The following TRIM16 variants were observed in gnomAD, a reference collection of about 807,000 sequenced individuals.
TRIM16 encodes the protein tripartite motif-containing protein 16.
In TRIM16, 33 loss-of-function variants were observed where a neutral mutation model predicts 50.4. That is an observed-to-expected ratio of 0.65 (90% CI 0.50 to 0.88). The LOEUF (loss-of-function observed/expected upper bound fraction) is 0.88, where lower values mean the gene tolerates loss of function less well. TRIM16 is among the 40% of genes least tolerant of loss of function. The pLI is 0.00. For synonymous variants in TRIM16, 229 were observed against 270.7 expected (o/e 0.85, Z 1.51); for missense variants, 581 against 686.8 (o/e 0.85, Z 1.72).
intron 6 of TRIM16, among the ~76,000 whole-genome samples, chr17:15,656,319 C>T (rs1192244459): frequency 6.6e-6 from 1 of 152,188 alleles, no homozygotes; most frequent in South Asian, 2.1e-4. Context: ...AAAGGCTCTA[C>T]AGTCACCACC....
chr17:15,665,494 G>A (rs1355041200), intron 6 of TRIM16, among the ~76,000 whole-genome samples: 8 of 152,144 alleles, frequency 5.3e-5, no homozygotes, highest in Admixed American at 5.2e-4. Context: ...AGGCGAGAGT[G>A]CAAGACTCTA....
At chr17:15,667,688 G>A (rs533180149) in intron 6 of TRIM16, among the ~76,000 whole-genome samples, 124 of 152,150 alleles carry the variant, frequency 8.1e-4, no homozygotes, top group Non-Finnish European at 1.3e-3. Context: ...TCTCTACCAT[G>A]GTAGATCAAA....
intron 6 of TRIM16, chr17:15,658,998 G>T: frequency 2.3e-6 from 1 of 433,160 alleles, no homozygotes; most frequent in Non-Finnish European, 3.1e-6. Context: ...CCTAGTCTCA[G>T]AACACGATTG....
intron 6 of TRIM16, among the ~76,000 whole-genome samples, chr17:15,670,224 A>G (rs983438728): frequency 9.9e-5 from 15 of 152,184 alleles, no homozygotes; most frequent in Non-Finnish European, 1.3e-4. Flanking sequence ...TAAATCCCCA[A>G]TTGCCACAGG....
At chr17:15,681,528 G>A (rs1352600352) in intron 3 of TRIM16, among the ~76,000 whole-genome samples, 6 of 152,264 alleles carry the variant, frequency 3.9e-5, no homozygotes, top group African/African-American at 7.2e-5. Context: ...CACTGAGCAC[G>A]GTGTACTTGG....
chr17:15,682,632 G>T (rs2151433587), intron 3 of TRIM16, among the ~76,000 whole-genome samples: 1 of 152,348 alleles, frequency 6.6e-6, no homozygotes, highest in East Asian at 1.9e-4. Flanking sequence ...AGAGGTTCAA[G>T]GGACTAGGGC....
chr17:15,676,064 C>A, intron 6 of TRIM16, among the ~76,000 whole-genome samples: 1 of 152,074 alleles, frequency 6.6e-6, no homozygotes, highest in Non-Finnish European at 1.5e-5. Flanking sequence ...TCCTTATATT[C>A]ATCTAGCCTC....
intron 6 of TRIM16, among the ~76,000 whole-genome samples, chr17:15,673,678 T>G (rs1343732808): frequency 6.6e-6 from 1 of 152,024 alleles, no homozygotes; most frequent in Non-Finnish European, 1.5e-5. Context: ...AATTTAAGCT[T>G]AGGAAGATTT....
rs1371705461 is a variant in TRIM16 at position 15,637,084 on chromosome 17, C to T, written c.616-815G>A. 1.3e-3 allele frequency among the ~76,000 whole-genome samples: 185 copies of T among 144,860 alleles called. 1 individual carries two copies. Among genetic ancestry groups the T allele is most frequent in the Non-Finnish European group, 2.0e-3 (128 of 65,508 alleles). On this transcript the variant is annotated intron_variant, in intron 8 of 11. Coordinates refer to ENST00000649191, the MANE Select transcript of TRIM16 (RefSeq NM_001348119.1). ...CCATCTGGGAAGTGAGGAGCGTCTC[C>T]GCCCGGCAGCCACCCCGTCCGGGAG... is the stretch of plus-strand genomic sequence containing the variant.
chr17:15,682,969 A>G lies in TRIM16; in HGVS notation c.-776-18T>C. 6.5e-7 allele frequency: 1 copy of G among 1,545,368 alleles called. No individual in the cohort carries two copies. On this transcript the variant is annotated intron_variant, in intron 2 of 11. Coordinates refer to ENST00000649191, the MANE Select transcript of TRIM16 (RefSeq NM_001348119.1). ...CAAGGTTGCTGTAAAGAAAAACTAAAATGAGGTTGTGTGTGCATACTGCAG... is the reference window on the plus strand; with the variant it reads ...CAAGGTTGCTGTAAAGAAAAACTAAGATGAGGTTGTGTGTGCATACTGCAG...
chr17:15,650,959 G>A (rs1204244853), intron 7 of TRIM16, 132 bp downstream of exon 7: 24 of 1,300,776 alleles, frequency 1.8e-5, no homozygotes, highest in Non-Finnish European at 2.4e-5. Context: ...GCAGGCAGAC[G>A]CTGAAGCTAG....
intron 11 of TRIM16, among the ~76,000 whole-genome samples, chr17:15,629,656 A>T (rs1268597851): frequency 1.3e-5 from 2 of 152,278 alleles, no homozygotes; most frequent in Non-Finnish European, 2.9e-5. Flanking sequence ...TGGAGCATGA[A>T]GAACTCTCAA....
At chr17:15,639,559 C>A (rs1048721063) in intron 8 of TRIM16, among the ~76,000 whole-genome samples, 1 of 148,662 alleles carries the variant, frequency 6.7e-6, no homozygotes, top group Non-Finnish European at 1.5e-5. Flanking sequence ...GCAGGAGAGG[C>A]GATTTGGGAA....
At chr17:15,664,444 G>A (rs1039955249) in intron 6 of TRIM16, among the ~76,000 whole-genome samples, 1 of 152,234 alleles carries the variant, frequency 6.6e-6, no homozygotes, top group Non-Finnish European at 1.5e-5. Context: ...GCTCACACCT[G>A]TAATCCCAGC....
Position 15,683,125 on chromosome 17 carries a change from T to A in TRIM16, c.-866A>T, listed in dbSNP as rs751844543. ...TAGCAACCTTTCCGTTCTCCACGTA[T>A]CTTCCTGGAAATTGCCAGCATTCTA... On this transcript the variant is annotated 5_prime_UTR_variant, in exon 2 of 12. Transcript: ENST00000649191. The A allele has an allele frequency of 6.4e-7, 1 of 1,550,398 alleles. No homozygotes were observed. The highest frequency in any genetic ancestry group is 8.7e-7 in the Non-Finnish European group (1 of 1,146,880).
At chr17:15,658,735 C>T in intron 6 of TRIM16, 1 of 914,796 alleles carries the variant, frequency 1.1e-6, no homozygotes, top group African/African-American at 1.8e-5. Context: ...ATCTCAAAGT[C>T]TGAGAACCAC....
At chr17:15,672,133 ATAAAT>A (rs1279402686) in intron 6 of TRIM16, among the ~76,000 whole-genome samples, 1 of 152,184 alleles carries the variant, frequency 6.6e-6, no homozygotes, top group East Asian at 1.9e-4. Context: ...AATTTAACAT[ATAAAT>A]TAATTTTCCC....
intron 7 of TRIM16, among the ~76,000 whole-genome samples, chr17:15,649,413 A>C (rs1188621601): frequency 6.6e-6 from 1 of 151,984 alleles, no homozygotes; most frequent in African/African-American, 2.4e-5. Context: ...CAGCCTCCCT[A>C]GCAGCTGGGA....
chr17:15,655,808 T>C (rs908456712), intron 6 of TRIM16, among the ~76,000 whole-genome samples: 9 of 152,174 alleles, frequency 5.9e-5, no homozygotes, highest in Admixed American at 3.9e-4. Flanking sequence ...TCTCCTGACC[T>C]CGTGATCTGC....
Sources: gnomAD v4.1 joint callset for allele counts (sites outside exome capture counted in the v4.1 genomes callset) on GRCh38, gnomAD v4.1.1 for gene constraint, MANE v1.5 for transcripts, NCBI Gene and HGNC (gene_info 2026-07-23, HGNC 2026-07-21) for gene names.